Variants in NBAS observed in about 807,000 individuals in gnomAD.
NBAS encodes NAG/BC035112 fusion.
Under a neutral mutation model 302.5 loss-of-function variants are expected in NBAS, and 219 were observed. The observed-to-expected ratio is 0.72, with a 90% confidence interval of 0.65 to 0.81. The LOEUF is 0.81. Ranked by LOEUF, NBAS falls within the 30% of genes least tolerant of loss-of-function variation. NBAS has a pLI of 0.00. For missense variants in NBAS, 2,932 were observed against 2,841.6 expected, an observed-to-expected ratio of 1.03 and a Z score of -0.72; for synonymous variants, 1,118 against 1,021.6, an observed-to-expected ratio of 1.09 and a Z score of -1.80.
chr2:15,354,336 G>C (rs559531485), intron 33 of NBAS, among the ~76,000 whole-genome samples: 96 of 152,156 alleles, frequency 6.3e-4, no homozygotes, highest in Non-Finnish European at 9.0e-4. Context: ...ATTATACTCT[G>C]AATTCTTAAA....
At chr2:15,388,676 A>G (rs191320489) in intron 28 of NBAS, among the ~76,000 whole-genome samples, 116 of 152,334 alleles carry the variant, frequency 7.6e-4, no homozygotes, top group African/African-American at 2.6e-3. Context: ...CAGAAGACAG[A>G]TAAGTACAAA....
intron 44 of NBAS, among the ~76,000 whole-genome samples, chr2:15,253,976 G>T (rs1668472382): frequency 6.6e-6 from 1 of 152,148 alleles, no homozygotes; most frequent in Admixed American, 6.5e-5. Context: ...TGTAAAGTGA[G>T]TGAGAGACTA....
chr2:15,078,303 C>G, the NBAS span, among the ~76,000 whole-genome samples: 1 of 152,108 alleles, frequency 6.6e-6, no homozygotes, highest in Non-Finnish European at 1.5e-5. Context: ...ATGGGGGTAT[C>G]AGTATTACTA....
chr2:14,953,169 C>T, the NBAS span, among the ~76,000 whole-genome samples: 7 of 152,054 alleles, frequency 4.6e-5, no homozygotes, highest in African/African-American at 1.4e-4. Context: ...GAGGGCTGGA[C>T]GGGCCACACT....
chr2:15,204,612 A>G (rs896052486), intron 48 of NBAS, among the ~76,000 whole-genome samples: 1 of 152,292 alleles, frequency 6.6e-6, no homozygotes, highest in South Asian at 2.1e-4. Flanking sequence ...ACCAACCCAA[A>G]TGTCTACCAA....
the NBAS span, among the ~76,000 whole-genome samples, chr2:15,043,723 A>T: frequency 0.017 from 2,592 of 152,236 alleles, 65 homozygotes; most frequent in African/African-American, 0.058. Flanking sequence ...AAGGGATTAA[A>T]ATGTTCCCAG....
chr2:15,443,712 T>G lies in NBAS; in HGVS notation c.2340-15918A>C, dbSNP rs1035304073. Among the ~76,000 whole-genome samples, 14 of 150,820 alleles carry G rather than the reference T, an allele frequency of 9.3e-5. 1 individual carries two copies. Among genetic ancestry groups the G allele is most frequent in the African/African-American group, 3.4e-4 (14 of 40,818 alleles). On this transcript the variant is annotated intron_variant, in intron 21 of 51. Transcript: ENST00000281513. Reference sequence around the variant, plus strand: ...CAATTAGGAAAAGAGGAAGTCAAATTGTCCCTGTTTGCAGACGACATGATT... The same window carrying G: ...CAATTAGGAAAAGAGGAAGTCAAATGGTCCCTGTTTGCAGACGACATGATT...
At chr2:15,096,223 T>C in the NBAS span, among the ~76,000 whole-genome samples, 1 of 152,168 alleles carries the variant, frequency 6.6e-6, no homozygotes, top group African/African-American at 2.4e-5. Flanking sequence ...ATTCATAACT[T>C]TGCTTTTTCA....
At chr2:15,162,355 CA>C (rs1186232875), downstream of NBAS, among the ~76,000 whole-genome samples, 2 of 152,192 alleles carry the variant, frequency 1.3e-5, no homozygotes, top group African/African-American at 4.8e-5. Context: ...ATCTGAACCA[CA>C]CATCCTAGCT....
chr2:15,118,714 C>A, the NBAS span, among the ~76,000 whole-genome samples: 1 of 152,060 alleles, frequency 6.6e-6, no homozygotes, highest in Non-Finnish European at 1.5e-5. Context: ...GCTCAGCCTG[C>A]CAGCCCTCTC....
At chr2:15,299,852 A>G (rs1245077721) in intron 40 of NBAS, among the ~76,000 whole-genome samples, 1 of 152,240 alleles carries the variant, frequency 6.6e-6, no homozygotes, top group Non-Finnish European at 1.5e-5. Context: ...CTATCTCTGG[A>G]TGGATACAAA....
the NBAS span, among the ~76,000 whole-genome samples, chr2:14,842,645 A>G: frequency 6.6e-6 from 1 of 151,958 alleles, no homozygotes. Flanking sequence ...TTCATCAAAC[A>G]AAAAACAAGA....
chr2:15,055,471 G>C, the NBAS span, among the ~76,000 whole-genome samples: 1 of 152,150 alleles, frequency 6.6e-6, no homozygotes, highest in Non-Finnish European at 1.5e-5. Context: ...CATTGAGTGA[G>C]GCTGACCAAG....
At chr2:14,960,720 T>C in the NBAS span, among the ~76,000 whole-genome samples, 4 of 152,148 alleles carry the variant, frequency 2.6e-5, no homozygotes, top group Admixed American at 2.0e-4. Flanking sequence ...AAAAATAAGG[T>C]AGGTCTAAAT....
the NBAS span, among the ~76,000 whole-genome samples, chr2:15,100,635 C>A: frequency 1.4e-4 from 21 of 152,102 alleles, no homozygotes; most frequent in Non-Finnish European, 2.8e-4. Context: ...AATTTAGTGA[C>A]CTTTTCTAAA....
At chr2:15,352,405 A>C (rs1458906500) in intron 34 of NBAS, among the ~76,000 whole-genome samples, 1 of 152,212 alleles carries the variant, frequency 6.6e-6, no homozygotes, top group African/African-American at 2.4e-5. Flanking sequence ...GCAGAAAAAG[A>C]GACCGAGGCG....
At chr2:15,387,228 T>G (rs1406913840) in intron 28 of NBAS, among the ~76,000 whole-genome samples, 2 of 151,902 alleles carry the variant, frequency 1.3e-5, no homozygotes, top group Non-Finnish European at 2.9e-5. Context: ...CTACCATGCC[T>G]GGCTAATTTT....
chr2:15,034,252 G>GAAAGAAAGAAAGAAA, the NBAS span, among the ~76,000 whole-genome samples: 12 of 94,352 alleles, frequency 1.3e-4, no homozygotes, highest in East Asian at 3.0e-3. Context: ...AAGAAAGAAA[G>GAAAGAAAGAAAGAAA]AAAGAAAGAA....
chr2:15,338,240 T>C (rs6431692), intron 35 of NBAS, among the ~76,000 whole-genome samples: 84,641 of 151,942 alleles, frequency 0.56, 25,592 homozygotes, highest in Middle Eastern at 0.7. Flanking sequence ...GAGAAATCTA[T>C]TGGCCTACTG....
Sources: gnomAD v4.1 joint callset for allele counts (sites outside exome capture counted in the v4.1 genomes callset) on GRCh38, gnomAD v4.1.1 for gene constraint, MANE v1.5 for transcripts, NCBI Gene and HGNC (gene_info 2026-07-23, HGNC 2026-07-21) for gene names.